Variants in TBL1X observed in about 807,000 individuals in gnomAD.
The protein encoded by TBL1X is transducin beta like 1 X-linked, also known as F-box-like/WD repeat-containing protein TBL1X.
TBL1X carries 10 observed loss-of-function variants against 50.7 expected under a neutral mutation model. The observed-to-expected ratio is 0.20, with a 90% CI of 0.12 to 0.33. The LOEUF is 0.33. Among genes scored for constraint, TBL1X ranks in the 10% least tolerant of loss-of-function variants. The pLI, the probability that TBL1X is intolerant of heterozygous loss-of-function variation, is 1.00. For missense variants in TBL1X, 340 were observed against 504.4 expected, an observed-to-expected ratio of 0.67 and a Z score of 3.12; for synonymous variants, 190 against 214.7, an observed-to-expected ratio of 0.88 and a Z score of 1.01.
At chrX:9,570,678 G>GTTTTTTTTTTTT (rs5901405) in intron 2 of TBL1X, among the ~76,000 whole-genome samples, 1 of 46,327 alleles carries the variant, frequency 2.2e-5, no homozygotes, top group African/African-American at 9.2e-5. Flanking sequence ...TTTTCTTTTT[G>GTTTTTTTTTTTT]TTTTTTTTTT....
chrX:9,709,388 C>A (rs1466762593), intron 14 of TBL1X, 66 bp downstream of exon 14: 1 of 1,097,687 alleles, frequency 9.1e-7, no homozygotes, highest in Non-Finnish European at 1.3e-6. Flanking sequence ...TGATGCCAGT[C>A]TCACGGTCAC....
chrX:9,609,540 C>G (rs2082603071), intron 2 of TBL1X, among the ~76,000 whole-genome samples: 1 of 111,105 alleles, frequency 9.0e-6, no homozygotes, highest in South Asian at 3.8e-4. Flanking sequence ...GCATCTCTTT[C>G]ATGAAGTACA....
chrX:9,653,445 T>A, intron 3 of TBL1X, 100 bp from the exon 4 acceptor site: 1 of 515,629 alleles, frequency 1.9e-6, no homozygotes, highest in Non-Finnish European at 3.1e-6. Flanking sequence ...GCCTGCCTTC[T>A]GGGCACCAGA....
chrX:9,569,426 CTATT>C (rs1258565411), intron 2 of TBL1X, among the ~76,000 whole-genome samples: 1 of 110,558 alleles, frequency 9.0e-6, no homozygotes, highest in African/African-American at 3.3e-5. Flanking sequence ...GTGTGTGTGT[CTATT>C]TGTGTACCGT....
At chrX:9,474,495 G>A (rs184274517) in intron 1 of TBL1X, among the ~76,000 whole-genome samples, 1 of 113,366 alleles carries the variant, frequency 8.8e-6, no homozygotes, top group African/African-American at 3.2e-5. Context: ...AGGTATTAGT[G>A]ATTTGACTTA....
chrX:9,507,119 G>A (rs374225369), intron 2 of TBL1X, among the ~76,000 whole-genome samples: 1 of 112,003 alleles, frequency 8.9e-6, no homozygotes, highest in Non-Finnish European at 1.9e-5. Flanking sequence ...AGAAAGAAAG[G>A]GTATTCAAAT....
chrX:9,577,495 G>A (rs1430098674), intron 2 of TBL1X, among the ~76,000 whole-genome samples: 1 of 111,497 alleles, frequency 9.0e-6, no homozygotes, highest in Non-Finnish European at 1.9e-5. Context: ...GGGTGACTTT[G>A]TATCCTCCCC....
intron 2 of TBL1X, among the ~76,000 whole-genome samples, chrX:9,526,586 C>T (rs2146969644): frequency 1.8e-5 from 2 of 111,120 alleles, no homozygotes; most frequent in East Asian, 5.7e-4. Flanking sequence ...AGGTGGGTAC[C>T]CTTTTTCTGT....
intron 2 of TBL1X, among the ~76,000 whole-genome samples, chrX:9,589,483 G>A (rs1162344671): frequency 9.0e-6 from 1 of 110,743 alleles, no homozygotes; most frequent in Non-Finnish European, 1.9e-5. Flanking sequence ...ACCTTTTGGA[G>A]TACTGGCAAG....
At chrX:9,690,006 C>G (rs1263761679) in intron 7 of TBL1X, among the ~76,000 whole-genome samples, 1 of 112,322 alleles carries the variant, frequency 8.9e-6, no homozygotes, top group African/African-American at 3.2e-5. Flanking sequence ...GCTTCTGTTT[C>G]CTGGGTTTTC....
At position 9,606,634 on chromosome X, in the gene TBL1X, G is replaced by C. The variant is rs182879627; in HGVS notation, c.-130-33639G>C. On this transcript the variant is annotated intron_variant, in intron 2 of 17. Transcript: ENST00000645353. ...GTAGAGGCTGCAGTGAGCCATGATG[G>C]CATCACTGCACTCCAGCCTAGGTGA... 4.8e-3 allele frequency among the ~76,000 whole-genome samples: 535 copies of C among 111,540 alleles called. 2 individuals are homozygous for C. Among genetic ancestry groups the C allele is most frequent in the African/African-American group, 0.017 (512 of 30,688 alleles).
chrX:9,497,655 A>T (rs1233716724), intron 1 of TBL1X, among the ~76,000 whole-genome samples: 2 of 109,223 alleles, frequency 1.8e-5, no homozygotes, highest in Non-Finnish European at 3.8e-5. Flanking sequence ...GGATACCCAA[A>T]ACAGTGTGCT....
intron 3 of TBL1X, among the ~76,000 whole-genome samples, chrX:9,650,614 C>T (rs1283572367): frequency 1.8e-5 from 2 of 111,680 alleles, no homozygotes; most frequent in African/African-American, 6.5e-5. Context: ...AGATTCATGC[C>T]GGTCCCACTA....
chrX:9,474,425 T>C (rs1300407761), intron 1 of TBL1X, among the ~76,000 whole-genome samples: 1 of 113,459 alleles, frequency 8.8e-6, no homozygotes, highest in African/African-American at 3.2e-5. Context: ...CGCACATGTA[T>C]GTGCGTTAAG....
At chrX:9,630,642 C>G (rs1417596938) in intron 2 of TBL1X, among the ~76,000 whole-genome samples, 1 of 111,417 alleles carries the variant, frequency 9.0e-6, no homozygotes, top group African/African-American at 3.3e-5. Context: ...CAGGGTCTTG[C>G]TAAGCTCACT....
At chrX:9,578,455 C>G (rs760677551) in intron 2 of TBL1X, among the ~76,000 whole-genome samples, 4 of 111,334 alleles carry the variant, frequency 3.6e-5, no homozygotes, top group Non-Finnish European at 5.6e-5. Context: ...GTCAGTGTTG[C>G]AATTGGTAAT....
intron 15 of TBL1X, 58 bp downstream of exon 15, chrX:9,709,818 T>TC: frequency 8.4e-7 from 1 of 1,183,801 alleles, no homozygotes; most frequent in East Asian, 3.0e-5. Context: ...AACAGGAAAT[T>TC]CTGCTAAAGC....
At chrX:9,470,567 C>T (rs1485750775) in intron 1 of TBL1X, among the ~76,000 whole-genome samples, 2 of 112,572 alleles carry the variant, frequency 1.8e-5, no homozygotes, top group Non-Finnish European at 3.8e-5. Flanking sequence ...TTTATTTCCT[C>T]TTTGTTCTAT....
intron 2 of TBL1X, among the ~76,000 whole-genome samples, chrX:9,538,475 G>A (rs755225035): frequency 7.1e-5 from 8 of 112,000 alleles, no homozygotes; most frequent in Non-Finnish European, 1.5e-4. Context: ...TTTTATGTGC[G>A]CTATCCTTAA....
Sources: gnomAD v4.1 joint callset for allele counts (sites outside exome capture counted in the v4.1 genomes callset) on GRCh38, gnomAD v4.1.1 for gene constraint, MANE v1.5 for transcripts, NCBI Gene and HGNC (gene_info 2026-07-23, HGNC 2026-07-21) for gene names.